Variants in ADARB2 observed in about 807,000 individuals in gnomAD.
ADARB2 encodes adenosine deaminase RNA specific B2 (inactive).
ADARB2 carries 25 observed loss-of-function variants against 62.2 expected under a neutral mutation model. The observed-to-expected ratio is 0.40, with a 90% CI of 0.29 to 0.56. The LOEUF is 0.56. Ranked by LOEUF, ADARB2 falls within the 20% of genes least tolerant of loss-of-function variation. The pLI is 0.43. For synonymous variants in ADARB2, 572 were observed against 500.8 expected, an observed-to-expected ratio of 1.14 and a Z score of -1.90; for missense variants, 1,071 against 1,077.4, an observed-to-expected ratio of 0.99 and a Z score of 0.08.
rs867909005 is a variant in ADARB2, at chr10:1,348,477, G to A, written c.1077+14551C>T. The stretch of plus-strand genomic sequence containing the variant: ...CTGAGCAGTGCTTGCTCCCTGCGGC[G>A]TTGGCCCAGACTCTGTCTGGAGTGG... On this transcript the variant is annotated intron_variant, in intron 3 of 9. Coordinates refer to ENST00000381312, the MANE Select transcript of ADARB2 (RefSeq NM_018702.4). Among the ~76,000 whole-genome samples the A allele has an allele frequency of 3.3e-5, 5 of 152,040 alleles. No homozygotes were observed. In the East Asian group the frequency reaches 5.8e-4, roughly 18 times the overall value.
At chr10:1,493,351 T>C (rs1010620133) in intron 1 of ADARB2, among the ~76,000 whole-genome samples, 5 of 152,256 alleles carry the variant, frequency 3.3e-5, no homozygotes, top group African/African-American at 1.2e-4. Context: ...TCCATCTTTT[T>C]GTTTATTTCT....
At chr10:1,270,375 C>T (rs770109263) in intron 4 of ADARB2, among the ~76,000 whole-genome samples, 2 of 152,072 alleles carry the variant, frequency 1.3e-5, no homozygotes, top group East Asian at 1.9e-4. Flanking sequence ...ATTACACACT[C>T]GTGAAAAACT....
chr10:1,507,100 G>C (rs558359619), intron 1 of ADARB2, among the ~76,000 whole-genome samples: 137 of 152,362 alleles, frequency 9.0e-4, no homozygotes, highest in African/African-American at 3.2e-3. Context: ...CGGTGGCCGA[G>C]ACAGAAGCAC....
At chr10:1,247,670 C>T (rs928354321) in intron 4 of ADARB2, among the ~76,000 whole-genome samples, 4 of 152,158 alleles carry the variant, frequency 2.6e-5, no homozygotes, top group African/African-American at 4.8e-5. Flanking sequence ...CGAGCAAAAA[C>T]GTGTCAAAAA....
chr10:1,441,786 A>T (rs1429544169), intron 1 of ADARB2, among the ~76,000 whole-genome samples: 2 of 152,224 alleles, frequency 1.3e-5, no homozygotes, highest in Non-Finnish European at 2.9e-5. Context: ...TGATAATAGG[A>T]TATTCATCTC....
chr10:1,455,456 C>G (rs1484681495), intron 1 of ADARB2, among the ~76,000 whole-genome samples: 1 of 150,994 alleles, frequency 6.6e-6, no homozygotes, highest in Non-Finnish European at 1.5e-5. Flanking sequence ...TCTAAATGAA[C>G]AAAAATAAAA....
intron 1 of ADARB2, among the ~76,000 whole-genome samples, chr10:1,578,791 TCC>T (rs34436632): frequency 6.6e-6 from 1 of 151,410 alleles, no homozygotes; most frequent in Non-Finnish European, 1.5e-5. Flanking sequence ...TACAGACATG[TCC>T]CCCCCATATA....
At chr10:1,472,112 TGA>T (rs1022886005) in intron 1 of ADARB2, among the ~76,000 whole-genome samples, 1 of 152,100 alleles carries the variant, frequency 6.6e-6, no homozygotes, top group Non-Finnish European at 1.5e-5. Context: ...ACGGCTGAGA[TGA>T]GAGGGACGTG....
intron 1 of ADARB2, among the ~76,000 whole-genome samples, chr10:1,692,085 T>C (rs1834680841): frequency 2.0e-5 from 3 of 152,128 alleles, no homozygotes; most frequent in Admixed American, 6.5e-5. Flanking sequence ...ACTGAACGGG[T>C]CTGAATCCCA....
chr10:1,384,703 C>T (rs1002899101), intron 1 of ADARB2, among the ~76,000 whole-genome samples: 1 of 152,212 alleles, frequency 6.6e-6, no homozygotes, highest in African/African-American at 2.4e-5. Context: ...TGGAGAAGAA[C>T]ACAGCAGCAC....
chr10:1,298,340 TTGGAGTGGC>T (rs1184881640), intron 3 of ADARB2, among the ~76,000 whole-genome samples: 1 of 152,206 alleles, frequency 6.6e-6, no homozygotes, highest in Non-Finnish European at 1.5e-5. Context: ...GGAAGGTTTT[TTGGAGTGGC>T]TGGACTTAAG....
intron 1 of ADARB2, among the ~76,000 whole-genome samples, chr10:1,497,583 T>G (rs1487109459): frequency 1.3e-5 from 2 of 152,230 alleles, no homozygotes; most frequent in Non-Finnish European, 1.5e-5. Context: ...GATTCAAAAC[T>G]ATTTATAAAT....
At chr10:1,262,499 G>C (rs960586641) in intron 4 of ADARB2, among the ~76,000 whole-genome samples, 4 of 152,008 alleles carry the variant, frequency 2.6e-5, no homozygotes, top group Non-Finnish European at 4.4e-5. Context: ...CTTCTCAAAA[G>C]AAGACATTTA....
chr10:1,726,614 A>T (rs1835167980), intron 1 of ADARB2, among the ~76,000 whole-genome samples: 1 of 152,184 alleles, frequency 6.6e-6, no homozygotes, highest in African/African-American at 2.4e-5. Flanking sequence ...TGCTCTGTTG[A>T]GAGTCAGAGT....
intron 3 of ADARB2, among the ~76,000 whole-genome samples, chr10:1,337,474 T>C (rs1371202452): frequency 6.6e-6 from 1 of 152,210 alleles, no homozygotes; most frequent in Non-Finnish European, 1.5e-5. Flanking sequence ...TGAAACATCC[T>C]GCAAACAATT....
chr10:1,394,871 A>C (rs1564278295), intron 1 of ADARB2: 1 of 457,002 alleles, frequency 2.2e-6, no homozygotes, highest in Non-Finnish European at 4.4e-6. Context: ...TGCACAGGTC[A>C]TTTTTTCTTT....
chr10:1,262,521 AAC>A (rs1305068199), intron 4 of ADARB2, among the ~76,000 whole-genome samples: 2 of 151,854 alleles, frequency 1.3e-5, no homozygotes, highest in African/African-American at 4.8e-5. Flanking sequence ...GCAGCCAAAA[AAC>A]ACACAAAAAA....
At chr10:1,195,388 AGTTTTTTTTTT>A (rs1461084768) in intron 8 of ADARB2, among the ~76,000 whole-genome samples, 2 of 106,164 alleles carry the variant, frequency 1.9e-5, no homozygotes, top group East Asian at 2.4e-4. Flanking sequence ...TGCTGTACAC[AGTTTTTTTTTT>A]GTTTTTTTTT....
intron 1 of ADARB2, among the ~76,000 whole-genome samples, chr10:1,533,091 T>C (rs1323743151): frequency 6.7e-6 from 1 of 150,142 alleles, no homozygotes; most frequent in Non-Finnish European, 1.5e-5. Context: ...ACGAGCCAGC[T>C]GATTACTGTC....
Sources: gnomAD v4.1 joint callset for allele counts (sites outside exome capture counted in the v4.1 genomes callset) on GRCh38, gnomAD v4.1.1 for gene constraint, MANE v1.5 for transcripts, NCBI Gene and HGNC (gene_info 2026-07-23, HGNC 2026-07-21) for gene names.